The following MTSS1 variants were observed in gnomAD, a reference collection of about 807,000 sequenced individuals.
MTSS1 encodes the protein MTSS I-BAR domain containing 1, also known as protein MTSS 1.
A neutral mutation model predicts 79.0 loss-of-function variants in MTSS1; 18 were observed. The ratio of observed to expected loss-of-function variants is 0.23; its 90% CI spans 0.16 to 0.34. MTSS1 has a LOEUF of 0.34. Among genes scored for constraint, MTSS1 ranks in the 10% least tolerant of loss-of-function variants. The pLI is 1.00. For synonymous variants in MTSS1, 341 were observed against 368.6 expected, an observed-to-expected ratio of 0.93 and a Z score of 0.86; for missense variants, 815 against 986.2, an observed-to-expected ratio of 0.83 and a Z score of 2.33.
At chr8:124,669,827 C>T (rs1480109198) in intron 3 of MTSS1, among the ~76,000 whole-genome samples, 2 of 152,158 alleles carry the variant, frequency 1.3e-5, no homozygotes, top group Non-Finnish European at 2.9e-5. Flanking sequence ...GAGGAATCTC[C>T]CTACACTAGA....
chr8:124,649,870 T>A (rs185996932), intron 3 of MTSS1, among the ~76,000 whole-genome samples: 1 of 151,978 alleles, frequency 6.6e-6, no homozygotes, highest in Non-Finnish European at 1.5e-5. Context: ...ATTATCAAAC[T>A]TACGGCAGCC....
chr8:124,668,288 C>T (rs1563964821), intron 3 of MTSS1, among the ~76,000 whole-genome samples: 1 of 152,164 alleles, frequency 6.6e-6, no homozygotes, highest in Non-Finnish European at 1.5e-5. Flanking sequence ...ATGTTTTGTT[C>T]AGGCCCTAAC....
At chr8:124,686,221 A>G (rs7844690) in intron 3 of MTSS1, among the ~76,000 whole-genome samples, 72,247 of 151,964 alleles carry the variant, frequency 0.48, 17,558 homozygotes, top group African/African-American at 0.56. Flanking sequence ...CTCCCCATCC[A>G]GCTCCGCCTC....
At chr8:124,569,447 A>G (rs1827267794) in intron 6 of MTSS1, among the ~76,000 whole-genome samples, 2 of 152,222 alleles carry the variant, frequency 1.3e-5, no homozygotes, top group South Asian at 4.1e-4. Context: ...GCCTCTTGCA[A>G]AAGAAGCCTG....
intron 3 of MTSS1, among the ~76,000 whole-genome samples, chr8:124,695,353 T>A (rs931757315): frequency 6.7e-5 from 10 of 149,764 alleles, no homozygotes; most frequent in South Asian, 2.1e-4. Context: ...AAAAAATACA[T>A]GTAAAGGCTG....
intron 3 of MTSS1, among the ~76,000 whole-genome samples, chr8:124,635,206 AAAGGTAAGAG>A (rs1816762699): frequency 6.6e-6 from 1 of 152,232 alleles, no homozygotes; most frequent in Admixed American, 6.5e-5. Context: ...TAGGGTTTAA[AAAGGTAAGAG>A]AAGGTAAAGG....
At chr8:124,577,396 C>A (rs1249931436) in intron 6 of MTSS1, among the ~76,000 whole-genome samples, 1 of 152,208 alleles carries the variant, frequency 6.6e-6, no homozygotes, top group Non-Finnish European at 1.5e-5. Context: ...AATGCAGGTG[C>A]ACGCCACCAC....
chr8:124,595,535 T>C (rs1429081029), intron 3 of MTSS1, among the ~76,000 whole-genome samples: 1 of 152,202 alleles, frequency 6.6e-6, no homozygotes, highest in Non-Finnish European at 1.5e-5. Flanking sequence ...CTCTGACTTC[T>C]GCTTCTGTCC....
intron 3 of MTSS1, among the ~76,000 whole-genome samples, chr8:124,666,121 A>G (rs1417855575): frequency 6.6e-6 from 1 of 152,236 alleles, no homozygotes; most frequent in African/African-American, 2.4e-5. Flanking sequence ...GCATGATAAC[A>G]TTCTGCTTAT....
At chr8:124,676,451 A>C (rs1029486463) in intron 3 of MTSS1, among the ~76,000 whole-genome samples, 2 of 152,190 alleles carry the variant, frequency 1.3e-5, no homozygotes, top group African/African-American at 4.8e-5. Flanking sequence ...AGATCTCACG[A>C]CCATCCAAAG....
chr8:124,703,561 G>A (rs186065543), intron 2 of MTSS1, among the ~76,000 whole-genome samples: 1 of 152,166 alleles, frequency 6.6e-6, no homozygotes, highest in Non-Finnish European at 1.5e-5. Flanking sequence ...AAAGTACTGG[G>A]ATTACAGGTG....
intron 6 of MTSS1, chr8:124,568,800 C>T: frequency 6.9e-7 from 1 of 1,446,136 alleles, no homozygotes; most frequent in South Asian, 1.5e-5. Flanking sequence ...GACTTGCCTT[C>T]TCACACTGCA....
chr8:124,674,126 ATTATT>A (rs1178236299), intron 3 of MTSS1, among the ~76,000 whole-genome samples: 1 of 152,066 alleles, frequency 6.6e-6, no homozygotes, highest in Non-Finnish European at 1.5e-5. Flanking sequence ...TACAGAATAT[ATTATT>A]TTATTTTTTT....
chr8:124,587,086 C>A (rs887885091), intron 5 of MTSS1, among the ~76,000 whole-genome samples: 1 of 152,204 alleles, frequency 6.6e-6, no homozygotes, highest in African/African-American at 2.4e-5. Context: ...CCCAAAAGGC[C>A]TCAGAAGTCT....
rs754142552 is a variant in MTSS1 at position 124,728,158 on chromosome 8, T to A, written c.-203A>T. 1.5e-5 allele frequency: 7 copies of A among 477,468 alleles called. No homozygotes were observed. Among genetic ancestry groups the A allele is most frequent in the East Asian group, 1.1e-4 (3 of 26,672 alleles). 29.6% of individuals were successfully genotyped at this position (477,468 alleles called of 1,614,324 possible). A position where few individuals can be genotyped will look rare whatever the true frequency, so the allele number is the denominator to read the frequency against. On this transcript the variant is annotated 5_prime_UTR_variant, in exon 1 of 14. Coordinates refer to ENST00000518547, the MANE Select transcript of MTSS1 (RefSeq NM_014751.6). This position sits in a 1 kb window ranked among gnomAD's most constrained non-coding sequence, Gnocchi z 6.1. ...ACAGTAATTTAAAAAGCCAAACCGC[T>A]CTGTAGGGTATTCGCCTACAAGCAG...
At chr8:124,669,472 AC>A (rs1170037704) in intron 3 of MTSS1, among the ~76,000 whole-genome samples, 1 of 152,208 alleles carries the variant, frequency 6.6e-6, no homozygotes, top group East Asian at 1.9e-4. Context: ...AAGTAAGAAA[AC>A]AGTTCCTTTA....
At chr8:124,611,481 C>T (rs1406894142) in intron 3 of MTSS1, among the ~76,000 whole-genome samples, 1 of 152,144 alleles carries the variant, frequency 6.6e-6, no homozygotes, top group African/African-American at 2.4e-5. Context: ...GAGGTTCCAC[C>T]AAGACAGGTG....
chr8:124,656,544 G>A (rs1254726860), intron 3 of MTSS1, among the ~76,000 whole-genome samples: 1 of 151,450 alleles, frequency 6.6e-6, no homozygotes, highest in Non-Finnish European at 1.5e-5. Context: ...AGCTATGACA[G>A]GCAGATCACT....
At chr8:124,558,827 C>A in intron 10 of MTSS1, 2 of 1,559,446 alleles carry the variant, frequency 1.3e-6, no homozygotes, top group Non-Finnish European at 1.7e-6. Context: ...CCGAGCTGGA[C>A]GAGTTCTGCA....
Sources: allele counts gnomAD v4.1 joint callset (sites outside exome capture counted in the v4.1 genomes callset), GRCh38; gene constraint gnomAD v4.1.1; non-coding constraint Gnocchi (gnomAD v3.1); transcripts MANE v1.5; gene names NCBI Gene and HGNC (gene_info 2026-07-23, HGNC 2026-07-21).